SLC2A5: variants seen among roughly 807,000 people sequenced by gnomAD.
SLC2A5 encodes solute carrier family 2, facilitated glucose transporter member 5.
In SLC2A5, 56 loss-of-function variants were observed where a neutral mutation model predicts 50.3. That is an observed-to-expected ratio of 1.11 (90% CI 0.90 to 1.39). SLC2A5 has a LOEUF of 1.39. Among genes scored for constraint, SLC2A5 ranks in the 40% most tolerant of loss-of-function variants. The probability of loss-of-function intolerance (pLI) is 0.00; values close to 1 mark genes in which losing one functional copy is unlikely to be tolerated. For missense variants in SLC2A5, 566 were observed against 650.1 expected, an observed-to-expected ratio of 0.87 and a Z score of 1.41; for synonymous variants, 269 against 281.9, an observed-to-expected ratio of 0.95 and a Z score of 0.46.
chr1:9,068,976 T>C (rs1642155305), intron 1 of SLC2A5, among the ~76,000 whole-genome samples: 1 of 152,182 alleles, frequency 6.6e-6, no homozygotes, highest in Admixed American at 6.5e-5. Context: ...CAGGAGTCCA[T>C]GAAAATCTTT....
intron 1 of SLC2A5, among the ~76,000 whole-genome samples, chr1:9,068,371 A>G (rs1458285599): frequency 6.6e-6 from 1 of 152,002 alleles, no homozygotes; most frequent in Non-Finnish European, 1.5e-5. Context: ...GAAGAGTTAA[A>G]GAACTTACCC....
intron 2 of SLC2A5, 23 bp from the exon 3 acceptor site, chr1:9,057,631 A>G (rs1476624313): frequency 6.2e-7 from 1 of 1,602,814 alleles, no homozygotes; most frequent in South Asian, 1.1e-5. Context: ...GCAAAACAGA[A>G]CACCAAAATA....
chr1:9,042,497 G>A (rs932790781), intron 4 of SLC2A5, among the ~76,000 whole-genome samples: 2 of 151,426 alleles, frequency 1.3e-5, no homozygotes, highest in Non-Finnish European at 2.9e-5. Flanking sequence ...TGGCCTCTGT[G>A]TGTGTGTGTG....
At chr1:9,050,060 C>T (rs1291355458) in intron 3 of SLC2A5, among the ~76,000 whole-genome samples, 1 of 151,858 alleles carries the variant, frequency 6.6e-6, no homozygotes, top group Non-Finnish European at 1.5e-5. Context: ...TCACCTGAGG[C>T]CAGGAGTTCG....
chr1:9,055,810 G>A (rs1200941439), intron 3 of SLC2A5, among the ~76,000 whole-genome samples: 1 of 151,900 alleles, frequency 6.6e-6, no homozygotes, highest in Non-Finnish European at 1.5e-5. Flanking sequence ...CAGCTACTTG[G>A]GAAGCTGAGG....
intron 2 of SLC2A5, among the ~76,000 whole-genome samples, chr1:9,078,086 C>T (rs929421283): frequency 2.6e-5 from 4 of 152,148 alleles, no homozygotes; most frequent in African/African-American, 2.4e-5. Flanking sequence ...GACAGTTCCC[C>T]GGAGCTGAGG....
rs1399331338 is a variant in SLC2A5, at chr1:9,040,379, C to G, written c.572-190G>C. 11 of 659,720 alleles carry G rather than the reference C, an allele frequency of 1.7e-5. No homozygotes were observed. The highest frequency in any genetic ancestry group is 2.8e-5 in the Non-Finnish European group (11 of 394,504). The allele number at this position is 659,720 out of a possible 1,614,324, so 40.9% of individuals were successfully genotyped here. A position where few individuals can be genotyped will look rare whatever the true frequency, so the allele number is the denominator to read the frequency against. ...AAACACCTGCAGCAGGGATCAGCAG[C>G]GACGCACCCCTGCGCCCATCAGACA... On this transcript the variant is annotated intron_variant, in intron 5 of 11. Coordinates refer to ENST00000377424, the MANE Select transcript of SLC2A5 (RefSeq NM_003039.3). The surrounding 1 kb of genome is among the most constrained non-coding windows in gnomAD (Gnocchi z 4.3).
intron 2 of SLC2A5, among the ~76,000 whole-genome samples, chr1:9,078,576 T>C (rs1251032600): frequency 2.0e-5 from 3 of 152,178 alleles, no homozygotes; most frequent in Non-Finnish European, 2.9e-5. Context: ...GAACCACTTG[T>C]ATCCCCAAAA....
intron 1 of SLC2A5, among the ~76,000 whole-genome samples, chr1:9,059,428 C>A (rs1049072938): frequency 3.3e-5 from 5 of 152,092 alleles, no homozygotes; most frequent in Middle Eastern, 3.4e-3. Flanking sequence ...CAGGCGTGAG[C>A]CACCACGCCT....
intron 1 of SLC2A5, among the ~76,000 whole-genome samples, chr1:9,063,805 C>G (rs1241265917): frequency 7.1e-6 from 1 of 140,036 alleles, no homozygotes; most frequent in African/African-American, 2.9e-5. Context: ...ACGCCATTCT[C>G]CTGCCTCAGC....
chr1:9,072,819 G>A (rs897837320), upstream of SLC2A5, among the ~76,000 whole-genome samples: 81 of 140,058 alleles, frequency 5.8e-4, no homozygotes, highest in African/African-American at 2.0e-3. Context: ...AAAATTAGCC[G>A]GTCGTGGTGG....
At chr1:9,087,105 A>C (rs925781775) in intron 1 of SLC2A5, among the ~76,000 whole-genome samples, 3 of 152,154 alleles carry the variant, frequency 2.0e-5, no homozygotes, top group African/African-American at 7.2e-5. Flanking sequence ...AAGAGAGAAG[A>C]GCTGTCTCAC....
Position 9,069,615 on chromosome 1 carries a change from T to A in SLC2A5, c.-79A>T. 1.3e-6 allele frequency: 2 copies of A among 1,539,388 alleles called. No individual in the cohort carries two copies. Among genetic ancestry groups the A allele is most frequent in the East Asian group, 2.3e-5 (1 of 44,392 alleles). On this transcript the variant is annotated 5_prime_UTR_variant, in exon 1 of 12. It removes an upstream start codon present in the reference 5' UTR. Transcript: ENST00000377424. The stretch of plus-strand genomic sequence containing the variant: ...GTGCACTGAATGGAGAGAGAAGACA[T>A]TCTGGGTGCACTTTGGCCATGCCAA...
chr1:9,087,692 G>A (rs1642417234), intron 1 of SLC2A5, among the ~76,000 whole-genome samples: 1 of 152,214 alleles, frequency 6.6e-6, no homozygotes, highest in African/African-American at 2.4e-5. Flanking sequence ...AGCGATTTAT[G>A]TGAGGAGGAC....
chr1:9,068,896 G>A (rs1184175159), intron 1 of SLC2A5, among the ~76,000 whole-genome samples: 1 of 152,176 alleles, frequency 6.6e-6, no homozygotes, highest in African/African-American at 2.4e-5. Context: ...TAATAAGTCA[G>A]TGTTACTTTT....
chr1:9,060,944 CAAAG>C lies in SLC2A5; in HGVS notation c.34-2698_34-2695del, dbSNP rs199672855. Reference sequence around the variant, plus strand: ...TTCTACTGCTTGATTTTGTTACAGACAAAGAGAGAGGGGTGGGGGTGAGGGGAAG... The same window carrying C: ...TTCTACTGCTTGATTTTGTTACAGACAGAGAGGGGTGGGGGTGAGGGGAAG... On this transcript the variant is annotated intron_variant, in intron 1 of 11. Coordinates refer to ENST00000377424, the MANE Select transcript of SLC2A5 (RefSeq NM_003039.3). Among the ~76,000 whole-genome samples the C allele has an allele frequency of 8.1e-4, 118 of 146,366 alleles. No homozygotes were observed. In the East Asian group the frequency reaches 0.011, roughly 13 times the overall value.
intron 2 of SLC2A5, among the ~76,000 whole-genome samples, chr1:9,077,280 TC>T (rs1642294095): frequency 6.6e-6 from 1 of 150,686 alleles, no homozygotes; most frequent in Non-Finnish European, 1.5e-5. Context: ...ATGCCTGTAG[TC>T]CCAGCCACTT....
At chr1:9,082,872 A>T in intron 2 of SLC2A5, 1 of 252,748 alleles carries the variant, frequency 4.0e-6, no homozygotes, top group Non-Finnish European at 7.7e-6. Flanking sequence ...ATGGTACTGC[A>T]AACAGGACAA....
chr1:9,063,409 G>A (rs1215251509), intron 1 of SLC2A5, among the ~76,000 whole-genome samples: 2 of 151,996 alleles, frequency 1.3e-5, no homozygotes, highest in East Asian at 1.9e-4. Context: ...GTCTCGCTCT[G>A]TCGCCCAGGC....
Sources: allele counts gnomAD v4.1 joint callset (sites outside exome capture counted in the v4.1 genomes callset), GRCh38; gene constraint gnomAD v4.1.1; non-coding constraint Gnocchi (gnomAD v3.1); transcripts MANE v1.5; gene names NCBI Gene and HGNC (gene_info 2026-07-23, HGNC 2026-07-21).